Variants in SEMA5A observed in about 807,000 individuals in gnomAD.
SEMA5A encodes the protein semaphorin 5A.
SEMA5A carries 55 observed loss-of-function variants against 135.5 expected under a neutral mutation model. The observed-to-expected ratio is 0.41, with a 90% CI of 0.33 to 0.51. SEMA5A has a LOEUF of 0.51. Ranked by LOEUF, SEMA5A falls within the 20% of genes least tolerant of loss-of-function variation. The probability of loss-of-function intolerance (pLI) is 0.37; values close to 1 mark genes in which losing one functional copy is unlikely to be tolerated. For missense variants in SEMA5A, 1,290 were observed against 1,419.9 expected (o/e 0.91, Z 1.47); for synonymous variants, 580 against 546.5 (o/e 1.06, Z -0.85).
At chr5:9,396,243 C>CGT (rs1756393423) in intron 2 of SEMA5A, among the ~76,000 whole-genome samples, 2 of 117,522 alleles carry the variant, frequency 1.7e-5, no homozygotes, top group Non-Finnish European at 3.7e-5. Context: ...AATGCGCGTG[C>CGT]GTGCACACAC....
intron 2 of SEMA5A, among the ~76,000 whole-genome samples, chr5:9,407,338 C>T (rs182311854): frequency 3.1e-4 from 47 of 152,256 alleles, no homozygotes; most frequent in Middle Eastern, 3.4e-3. Context: ...GAAAGTGCTA[C>T]GCATAGTAAT....
intron 1 of SEMA5A, among the ~76,000 whole-genome samples, chr5:9,489,473 A>G (rs1734894561): frequency 6.6e-6 from 1 of 152,188 alleles, no homozygotes; most frequent in African/African-American, 2.4e-5. Flanking sequence ...GGGCACCCAC[A>G]GGGATGGCGG....
intron 5 of SEMA5A, among the ~76,000 whole-genome samples, chr5:9,310,262 A>G (rs1183084411): frequency 1.3e-5 from 2 of 152,142 alleles, no homozygotes; most frequent in Non-Finnish European, 2.9e-5. Flanking sequence ...AAAATGAACA[A>G]TATGTCTGGA....
At chr5:9,187,502 A>G (rs115628531) in intron 11 of SEMA5A, among the ~76,000 whole-genome samples, 1,677 of 152,166 alleles carry the variant, frequency 0.011, 23 homozygotes, top group African/African-American at 0.038. Flanking sequence ...CCGGGTATCT[A>G]TGGCTGTTTT....
intron 5 of SEMA5A, among the ~76,000 whole-genome samples, chr5:9,309,876 A>T (rs955980142): frequency 3.8e-4 from 5 of 13,032 alleles, no homozygotes; most frequent in African/African-American, 5.3e-4. Context: ...AGCATCTGAC[A>T]GAAAATCTTC....
chr5:9,454,963 C>G (rs1758776596), intron 1 of SEMA5A, among the ~76,000 whole-genome samples: 1 of 152,136 alleles, frequency 6.6e-6, no homozygotes, highest in Non-Finnish European at 1.5e-5. Flanking sequence ...TACTATTTTG[C>G]AAATCCTAGA....
At chr5:9,402,802 C>A (rs1302349508) in intron 2 of SEMA5A, among the ~76,000 whole-genome samples, 1 of 146,024 alleles carries the variant, frequency 6.8e-6, no homozygotes, top group African/African-American at 2.4e-5. Flanking sequence ...TCTCACCTTG[C>A]CCCAGCCAGT....
chr5:9,146,188 A>G (rs559888236), intron 12 of SEMA5A, among the ~76,000 whole-genome samples: 2 of 152,202 alleles, frequency 1.3e-5, no homozygotes, highest in African/African-American at 4.8e-5. Context: ...CTCCAGCCCA[A>G]GCCTACCTTG....
chr5:9,111,108 GA>G (rs1415137935), intron 15 of SEMA5A, among the ~76,000 whole-genome samples: 1 of 152,184 alleles, frequency 6.6e-6, no homozygotes, highest in Non-Finnish European at 1.5e-5. Context: ...AGGAAGTCAA[GA>G]AAACTCAGAA....
At chr5:9,284,531 C>T (rs904494145) in intron 5 of SEMA5A, among the ~76,000 whole-genome samples, 17 of 152,066 alleles carry the variant, frequency 1.1e-4, no homozygotes, top group African/African-American at 4.1e-4. Flanking sequence ...TACTTCCATT[C>T]CTTTTCTATA....
At chr5:9,122,628 C>T in intron 14 of SEMA5A, 28 bp downstream of exon 14, 1 of 1,496,204 alleles carries the variant, frequency 6.7e-7, no homozygotes, top group Non-Finnish European at 9.0e-7. Context: ...TACACAGCAG[C>T]ACAACTGGCG....
chr5:9,304,004 A>T (rs778895564), intron 5 of SEMA5A, among the ~76,000 whole-genome samples: 1 of 152,160 alleles, frequency 6.6e-6, no homozygotes, highest in Admixed American at 6.5e-5. Flanking sequence ...AATTGATTTT[A>T]TCATGAACTA....
At chr5:9,090,877 A>G (rs557074063) in intron 16 of SEMA5A, among the ~76,000 whole-genome samples, 22 of 152,338 alleles carry the variant, frequency 1.4e-4, no homozygotes, top group African/African-American at 4.6e-4. Context: ...CGAGAGCATG[A>G]TTTATAATGT....
At chr5:9,507,963 C>T (rs1302331589) in intron 1 of SEMA5A, among the ~76,000 whole-genome samples, 1 of 150,680 alleles carries the variant, frequency 6.6e-6, no homozygotes, top group Non-Finnish European at 1.5e-5. Flanking sequence ...AAGATTGCGC[C>T]ACTGCATTCC....
At chr5:9,417,647 C>T (rs1035208203) in intron 2 of SEMA5A, among the ~76,000 whole-genome samples, 1 of 152,224 alleles carries the variant, frequency 6.6e-6, no homozygotes, top group African/African-American at 2.4e-5. Context: ...ACATTCGCCC[C>T]GTTACTTCTG....
chr5:9,230,119 G>A (rs138592782), intron 6 of SEMA5A, among the ~76,000 whole-genome samples: 36 of 150,702 alleles, frequency 2.4e-4, no homozygotes, highest in African/African-American at 5.6e-4. Flanking sequence ...CAAGTAGCTC[G>A]GATTACACGT....
intron 9 of SEMA5A, among the ~76,000 whole-genome samples, chr5:9,197,786 T>TGTGTGTG (rs1745499795): frequency 1.9e-5 from 1 of 51,620 alleles, no homozygotes; most frequent in East Asian, 8.4e-4. Context: ...GTGTGTGTGT[T>TGTGTGTG]TTAACCCAGA....
At chr5:9,281,570 C>A (rs553899580) in intron 5 of SEMA5A, among the ~76,000 whole-genome samples, 2 of 152,138 alleles carry the variant, frequency 1.3e-5, no homozygotes, top group East Asian at 3.8e-4. Context: ...AAAGCAAATC[C>A]CATATCCATA....
intron 12 of SEMA5A, among the ~76,000 whole-genome samples, chr5:9,146,054 C>T (rs1384571321): frequency 2.0e-5 from 3 of 152,144 alleles, no homozygotes; most frequent in Admixed American, 6.5e-5. Flanking sequence ...TGAAAACACA[C>T]ATTGCCATTT....
Sources: gnomAD v4.1 joint callset for allele counts (sites outside exome capture counted in the v4.1 genomes callset) on GRCh38, gnomAD v4.1.1 for gene constraint, MANE v1.5 for transcripts, NCBI Gene and HGNC (gene_info 2026-07-23, HGNC 2026-07-21) for gene names.